CNTN4: variants seen among roughly 807,000 people sequenced by gnomAD.
The protein encoded by CNTN4 is contactin-4.
A neutral mutation model predicts 122.5 loss-of-function variants in CNTN4; 77 were observed. The observed-to-expected ratio is 0.63, with a 90% CI of 0.52 to 0.76. The LOEUF (loss-of-function observed/expected upper bound fraction) is 0.76, where lower values mean the gene tolerates loss of function less well. Among genes scored for constraint, CNTN4 ranks in the 30% least tolerant of loss-of-function variants. The pLI is 0.00. For synonymous variants in CNTN4, 512 were observed against 447.0 expected (o/e 1.15, Z -1.83); for missense variants, 1,256 against 1,259.1 (o/e 1.00, Z 0.04).
At chr3:2,584,702 A>C (rs867022568) in intron 4 of CNTN4, among the ~76,000 whole-genome samples, 12,379 of 143,268 alleles carry the variant, frequency 0.086, 251 homozygotes, top group Middle Eastern at 0.14. Context: ...CGTCTCAAAA[A>C]AAAAAAAAAA....
rs559079212 is a variant in CNTN4, at chr3:2,379,352, A to C, written c.-89+40119A>C. Reference sequence around the variant, plus strand: ...CTTCAAGAAGCATGCAGATCTGCCTATTATAGAAGGGAAAACTATAAGGTT... The same window carrying C: ...CTTCAAGAAGCATGCAGATCTGCCTCTTATAGAAGGGAAAACTATAAGGTT... On this transcript the variant is annotated intron_variant, in intron 3 of 24. Transcript: ENST00000418658. Among the ~76,000 whole-genome samples, 21 of 152,004 alleles carry C rather than the reference A, an allele frequency of 1.4e-4. No homozygotes were observed. In the East Asian group the frequency reaches 1.9e-3, roughly 14 times the overall value.
At chr3:2,856,040 T>G (rs2093614901) in intron 7 of CNTN4, among the ~76,000 whole-genome samples, 1 of 152,214 alleles carries the variant, frequency 6.6e-6, no homozygotes, top group South Asian at 2.1e-4. Flanking sequence ...AGCGACTTCT[T>G]TCTCAACTAA....
chr3:2,595,149 G>A (rs146501108), intron 4 of CNTN4, among the ~76,000 whole-genome samples: 148 of 152,260 alleles, frequency 9.7e-4, no homozygotes, highest in African/African-American at 3.5e-3. Context: ...CCATTGACAT[G>A]CTTTTATTAG....
At chr3:2,639,601 C>T (rs906129244) in intron 4 of CNTN4, among the ~76,000 whole-genome samples, 1 of 152,186 alleles carries the variant, frequency 6.6e-6, no homozygotes, top group Non-Finnish European at 1.5e-5. Context: ...CAAGGGCATG[C>T]ATCTCTGTTT....
chr3:2,827,106 C>T (rs913614965), intron 7 of CNTN4, among the ~76,000 whole-genome samples: 7 of 152,152 alleles, frequency 4.6e-5, no homozygotes, highest in African/African-American at 1.4e-4. Flanking sequence ...TGGCTATTGA[C>T]ATTTGCCTGG....
intron 2 of CNTN4, among the ~76,000 whole-genome samples, chr3:2,200,641 A>G (rs2038054436): frequency 6.6e-6 from 1 of 152,184 alleles, no homozygotes; most frequent in Non-Finnish European, 1.5e-5. Context: ...GGACCAGCTA[A>G]ATTAATATAT....
intron 16 of CNTN4, among the ~76,000 whole-genome samples, chr3:3,031,825 G>A (rs1039255): frequency 0.54 from 81,788 of 151,992 alleles, 22,282 homozygotes; most frequent in Middle Eastern, 0.63. Flanking sequence ...CAGAATCCCT[G>A]ACTGTTGGTG....
intron 4 of CNTN4, among the ~76,000 whole-genome samples, chr3:2,671,636 C>G (rs573904587): frequency 1.3e-5 from 2 of 152,332 alleles, no homozygotes; most frequent in Non-Finnish European, 1.5e-5. Flanking sequence ...TGGTGAGGAG[C>G]TGCGTTCCTT....
intron 6 of CNTN4, among the ~76,000 whole-genome samples, chr3:2,788,859 A>C (rs2091919080): frequency 6.6e-6 from 1 of 152,182 alleles, no homozygotes; most frequent in South Asian, 2.1e-4. Context: ...AATGACAAGA[A>C]AAATTTTCTT....
At chr3:2,775,622 T>C (rs2091285716) in intron 6 of CNTN4, among the ~76,000 whole-genome samples, 1 of 152,096 alleles carries the variant, frequency 6.6e-6, no homozygotes, top group South Asian at 2.1e-4. Context: ...GATTTTACCA[T>C]GTTGGCCAGG....
intron 4 of CNTN4, among the ~76,000 whole-genome samples, chr3:2,625,894 TTTG>T (rs2082165790): frequency 6.6e-6 from 1 of 152,236 alleles, no homozygotes; most frequent in Non-Finnish European, 1.5e-5. Context: ...TCAAACAATT[TTTG>T]TTGTTACATT....
intron 4 of CNTN4, among the ~76,000 whole-genome samples, chr3:2,664,285 A>G (rs1175195334): frequency 6.6e-6 from 1 of 150,934 alleles, no homozygotes; most frequent in Non-Finnish European, 1.5e-5. Flanking sequence ...GGCAAAATTC[A>G]ATGGCTTCTA....
At chr3:2,292,182 C>G (rs2042159603) in intron 2 of CNTN4, among the ~76,000 whole-genome samples, 1 of 152,212 alleles carries the variant, frequency 6.6e-6, no homozygotes, top group African/African-American at 2.4e-5. Flanking sequence ...TTATCTGTCC[C>G]ACACATTTTG....
At chr3:2,197,105 C>T (rs2037878231) in intron 2 of CNTN4, among the ~76,000 whole-genome samples, 1 of 149,954 alleles carries the variant, frequency 6.7e-6, no homozygotes, top group African/African-American at 2.4e-5. Flanking sequence ...AGAACTATTT[C>T]ATTAGCAAAT....
chr3:2,801,978 AC>A (rs1227461847), intron 6 of CNTN4, among the ~76,000 whole-genome samples: 2 of 152,228 alleles, frequency 1.3e-5, no homozygotes, highest in East Asian at 1.9e-4. Context: ...AAAAATAAGT[AC>A]TATAAAAATG....
rs748172947 is a variant in CNTN4, at chr3:2,988,452, C to G, written c.1466C>G (p.Thr489Ser). 8.7e-6 allele frequency: 14 copies of G among 1,613,612 alleles called. No individual in the cohort carries two copies. In the East Asian group the frequency reaches 2.9e-4, roughly 33 times the overall value. ...ATNHFGTASS[T>S]GNLVVKDPTR... ...AACCATTTTGGAACTGCTAGCAGTA[C>G]TGGAAACTTGGTAGTGAAAGGTAAT... is the stretch of plus-strand genomic sequence containing the variant. The change falls in exon 14 of 25, where the codon ACT (threonine) becomes AGT (serine). Residue 489 changes from threonine (T) to serine (S), a missense_variant. Coordinates refer to ENST00000418658, the MANE Select transcript of CNTN4 (RefSeq NM_175607.3).
chr3:2,424,319 G>C (rs1553645616), intron 3 of CNTN4, among the ~76,000 whole-genome samples: 1 of 148,614 alleles, frequency 6.7e-6, no homozygotes, highest in Non-Finnish European at 1.5e-5. Context: ...TGTGATGTTT[G>C]TTTTTTTGTC....
At chr3:2,743,348 C>G (rs1404090047) in intron 5 of CNTN4, among the ~76,000 whole-genome samples, 2 of 152,068 alleles carry the variant, frequency 1.3e-5, no homozygotes, top group Non-Finnish European at 2.9e-5. Flanking sequence ...CCTGGCTGTT[C>G]TGTCTTTATT....
intron 3 of CNTN4, among the ~76,000 whole-genome samples, chr3:2,365,820 AG>A (rs1209510182): frequency 6.6e-6 from 1 of 152,246 alleles, no homozygotes; most frequent in African/African-American, 2.4e-5. Context: ...TTTCAATGCT[AG>A]GAAAAAACAA....
Sources: gnomAD v4.1 joint callset for allele counts (sites outside exome capture counted in the v4.1 genomes callset) on GRCh38, gnomAD v4.1.1 for gene constraint, MANE v1.5 for transcripts, NCBI Gene and HGNC (gene_info 2026-07-23, HGNC 2026-07-21) for gene names.